The following SMYD3 variants were observed in gnomAD, a reference collection of about 807,000 sequenced individuals.
The protein encoded by SMYD3 is histone-lysine N-methyltransferase SMYD3.
A neutral mutation model predicts 57.7 loss-of-function variants in SMYD3; 36 were observed. That is an observed-to-expected ratio of 0.62 (90% CI 0.48 to 0.82). SMYD3 has a LOEUF of 0.82. Ranked by LOEUF, SMYD3 falls within the 40% of genes least tolerant of loss-of-function variation. SMYD3 has a pLI of 0.00. For synonymous variants in SMYD3, 211 were observed against 195.0 expected (o/e 1.08, Z -0.68); for missense variants, 515 against 538.8 (o/e 0.96, Z 0.44).
At chr1:246,110,384 T>C (rs2061212478) in intron 5 of SMYD3, among the ~76,000 whole-genome samples, 1 of 152,114 alleles carries the variant, frequency 6.6e-6, no homozygotes, top group Admixed American at 6.5e-5. Flanking sequence ...AGGGAGTGGG[T>C]AGATGAATGG....
chr1:246,367,243 A>G (rs1329864524), intron 1 of SMYD3, among the ~76,000 whole-genome samples: 2 of 152,166 alleles, frequency 1.3e-5, no homozygotes, highest in African/African-American at 2.4e-5. Flanking sequence ...AGGAGAATCT[A>G]GTAGTAAGTA....
chr1:245,958,015 T>G (rs1475705339), intron 5 of SMYD3, among the ~76,000 whole-genome samples: 1 of 151,902 alleles, frequency 6.6e-6, no homozygotes, highest in South Asian at 2.1e-4. Flanking sequence ...TCAGAGACTT[T>G]GAGAAAAAAA....
chr1:246,144,143 A>G (rs2061806173), intron 5 of SMYD3, among the ~76,000 whole-genome samples: 1 of 152,190 alleles, frequency 6.6e-6, no homozygotes, highest in African/African-American at 2.4e-5. Flanking sequence ...ACAAGAGCTG[A>G]CGGATACACC....
At chr1:246,022,131 A>G (rs2059482317) in intron 5 of SMYD3, among the ~76,000 whole-genome samples, 1 of 152,224 alleles carries the variant, frequency 6.6e-6, no homozygotes, top group Non-Finnish European at 1.5e-5. Flanking sequence ...ATTCATGATC[A>G]TTATGAAGCA....
intron 5 of SMYD3, among the ~76,000 whole-genome samples, chr1:246,066,007 A>T (rs948881072): frequency 2.6e-5 from 4 of 152,216 alleles, no homozygotes; most frequent in Non-Finnish European, 5.9e-5. Flanking sequence ...AACTTTCATT[A>T]ATTTGCCTTA....
intron 5 of SMYD3, among the ~76,000 whole-genome samples, chr1:246,029,673 G>GA (rs34698516): frequency 0.011 from 939 of 88,112 alleles, 6 homozygotes; most frequent in Non-Finnish European, 0.019. Flanking sequence ...CTCTGTCTCA[G>GA]AAAAAAAAAA....
At chr1:246,273,163 G>A (rs975104535) in intron 5 of SMYD3, among the ~76,000 whole-genome samples, 2 of 51,250 alleles carry the variant, frequency 3.9e-5, no homozygotes, top group African/African-American at 1.9e-4. Context: ...CTTTTTTTTG[G>A]GGGGGGGACA....
At chr1:246,058,091 GTT>G (rs35926812) in intron 5 of SMYD3, among the ~76,000 whole-genome samples, 21,814 of 152,168 alleles carry the variant, frequency 0.14, 1,782 homozygotes, top group East Asian at 0.4. Context: ...AGGGATGAGA[GTT>G]GAGAGAGAGA....
At chr1:246,150,960 T>A (rs746129381) in intron 5 of SMYD3, among the ~76,000 whole-genome samples, 4 of 152,182 alleles carry the variant, frequency 2.6e-5, no homozygotes, top group Non-Finnish European at 4.4e-5. Flanking sequence ...TCATAAAATA[T>A]TCCTTGGCTG....
At chr1:246,177,696 A>C (rs753895652) in intron 5 of SMYD3, among the ~76,000 whole-genome samples, 18 of 152,360 alleles carry the variant, frequency 1.2e-4, no homozygotes, top group South Asian at 2.1e-4. Flanking sequence ...TCTTGTGACC[A>C]GATCAATTTC....
chr1:246,157,730 T>C (rs977074866), intron 5 of SMYD3, among the ~76,000 whole-genome samples: 7 of 152,196 alleles, frequency 4.6e-5, no homozygotes, highest in Non-Finnish European at 1.0e-4. Context: ...GAGACTAGCA[T>C]GGGTGTGTCA....
intron 1 of SMYD3, among the ~76,000 whole-genome samples, chr1:246,444,005 C>A (rs1413486366): frequency 1.3e-5 from 2 of 152,104 alleles, no homozygotes; most frequent in African/African-American, 4.8e-5. Flanking sequence ...CAACTTGATT[C>A]TAAAAGAAAG....
rs1472291186 is a variant in SMYD3, at chr1:246,248,631, CTTTCCTTTTTTT to C, written c.531+78558_531+78569del. ...GGCCAGTTATGCAAAAGCTCTCTGA[CTTTCCTTTTTTT>C]TTTTTTTTTTTTTTTTGAGATGGAG... On this transcript the variant is annotated intron_variant, in intron 5 of 11. Transcript: ENST00000490107. Among the ~76,000 whole-genome samples the C allele has an allele frequency of 5.0e-5, 6 of 119,274 alleles. 1 individual carries two copies. In the South Asian group the frequency reaches 1.8e-3, roughly 36 times the overall value. 78.2% of individuals were successfully genotyped at this position (119,274 alleles called of 152,430 possible).
chr1:246,142,145 A>C (rs2061767334), intron 5 of SMYD3, among the ~76,000 whole-genome samples: 1 of 152,172 alleles, frequency 6.6e-6, no homozygotes, highest in Non-Finnish European at 1.5e-5. Context: ...CAAGACCCTC[A>C]GTGGGTGCCT....
At chr1:246,321,355 T>A (rs1295340133) in intron 5 of SMYD3, among the ~76,000 whole-genome samples, 1 of 152,214 alleles carries the variant, frequency 6.6e-6, no homozygotes, top group African/African-American at 2.4e-5. Flanking sequence ...CTAAGTACGT[T>A]ATAGTTGATC....
intron 1 of SMYD3, among the ~76,000 whole-genome samples, chr1:246,441,143 C>A (rs553712014): frequency 1.3e-5 from 2 of 152,118 alleles, no homozygotes; most frequent in Non-Finnish European, 2.9e-5. Flanking sequence ...GCTTTTTATC[C>A]AAGACTTTGA....
intron 8 of SMYD3, among the ~76,000 whole-genome samples, chr1:245,897,147 C>T (rs149297328): frequency 1.3e-5 from 2 of 152,248 alleles, no homozygotes; most frequent in African/African-American, 4.8e-5. Context: ...AGAAATAAAA[C>T]ACAGAGACGT....
At chr1:246,076,512 T>C (rs1347428072) in intron 5 of SMYD3, among the ~76,000 whole-genome samples, 1 of 152,112 alleles carries the variant, frequency 6.6e-6, no homozygotes, top group African/African-American at 2.4e-5. Context: ...AAATCCAAAA[T>C]CTTAGACTTA....
In SMYD3 at chr1:245,806,103, C is replaced by T. The variant is rs529952917; in HGVS notation, c.1077-41954G>A. ...GCTGGGAAGACAGTTATGAAGAAGA[C>T]GGGGTCTTTCCAGTTGTTCAACTTT... is the stretch of plus-strand genomic sequence containing the variant. On this transcript the variant is annotated intron_variant, in intron 10 of 11. Coordinates refer to ENST00000490107, the MANE Select transcript of SMYD3 (RefSeq NM_001167740.2). 1.4e-4 allele frequency among the ~76,000 whole-genome samples: 22 copies of T among 152,148 alleles called. 1 individual carries two copies. The South Asian group carries it at 3.1e-3, about 22-fold the overall frequency.
Sources: allele counts gnomAD v4.1 joint callset (sites outside exome capture counted in the v4.1 genomes callset), GRCh38; gene constraint gnomAD v4.1.1; transcripts MANE v1.5; gene names NCBI Gene and HGNC (gene_info 2026-07-23, HGNC 2026-07-21).